The following CSMD2 variants were observed in gnomAD, a reference collection of about 807,000 sequenced individuals.
CSMD2 encodes CUB and Sushi multiple domains 2.
CSMD2 carries 130 observed loss-of-function variants against 398.5 expected under a neutral mutation model. The observed-to-expected ratio is 0.33, with a 90% confidence interval of 0.28 to 0.38. The LOEUF (loss-of-function observed/expected upper bound fraction) is 0.38, where lower values mean the gene tolerates loss of function less well. CSMD2 is among the 10% of genes least tolerant of loss of function. CSMD2 has a pLI of 1.00. For missense variants in CSMD2, 3,829 were observed against 4,764.9 expected, an observed-to-expected ratio of 0.80 and a Z score of 5.78; for synonymous variants, 1,828 against 1,908.5, an observed-to-expected ratio of 0.96 and a Z score of 1.10.
At chr1:33,988,887 A>G (rs1440688151) in intron 3 of CSMD2, among the ~76,000 whole-genome samples, 1 of 151,574 alleles carries the variant, frequency 6.6e-6, no homozygotes, top group East Asian at 1.9e-4. Context: ...CACCCCATAC[A>G]CAAATATTAA....
chr1:33,681,647 T>C (rs1480848247), intron 25 of CSMD2, among the ~76,000 whole-genome samples: 3 of 152,180 alleles, frequency 2.0e-5, no homozygotes, highest in Non-Finnish European at 4.4e-5. Flanking sequence ...CTGTAACATA[T>C]TACAACAAAC....
chr1:34,030,262 T>C (rs549629505), intron 3 of CSMD2, among the ~76,000 whole-genome samples: 1 of 152,302 alleles, frequency 6.6e-6, no homozygotes, highest in South Asian at 2.1e-4. Flanking sequence ...TATTGGACAA[T>C]ACAGCTGCAG....
intron 1 of CSMD2, among the ~76,000 whole-genome samples, chr1:34,128,823 G>T (rs542081976): frequency 6.6e-6 from 1 of 152,210 alleles, no homozygotes; most frequent in Non-Finnish European, 1.5e-5. Flanking sequence ...AGTGACTAGG[G>T]ATGGGGGAGG....
At chr1:33,918,022 G>A in intron 5 of CSMD2, 72 bp downstream of exon 5, 2 of 1,409,108 alleles carry the variant, frequency 1.4e-6, no homozygotes, top group Middle Eastern at 1.8e-4. Flanking sequence ...AGGCACTGAG[G>A]AGACTGCAAG....
chr1:33,685,116 C>T (rs1645024437), intron 25 of CSMD2, among the ~76,000 whole-genome samples: 1 of 152,178 alleles, frequency 6.6e-6, no homozygotes, highest in African/African-American at 2.4e-5. Context: ...AGCTCCGTGC[C>T]CTTTCCTCTT....
chr1:34,083,781 TG>T (rs1657537250), intron 2 of CSMD2, among the ~76,000 whole-genome samples: 2 of 151,950 alleles, frequency 1.3e-5, no homozygotes, highest in Admixed American at 6.6e-5. Flanking sequence ...TAGCCAGGCG[TG>T]GGGGCTCATG....
intron 23 of CSMD2, 147 bp downstream of exon 23, chr1:33,700,370 C>A: frequency 1.3e-6 from 1 of 760,046 alleles, no homozygotes; most frequent in East Asian, 2.6e-5. Flanking sequence ...TTTGTTTACC[C>A]ATGCATCCAC....
At chr1:33,820,030 T>C (rs959663660) in intron 8 of CSMD2, among the ~76,000 whole-genome samples, 193 bp from the exon 9 acceptor site, 1 of 152,220 alleles carries the variant, frequency 6.6e-6, no homozygotes, top group African/African-American at 2.4e-5. Context: ...TCGGACTGTT[T>C]AATGGTTTTA....
intron 5 of CSMD2, among the ~76,000 whole-genome samples, chr1:33,888,756 T>TTTGTTGTTGTTGTTG (rs140395748): frequency 0.065 from 9,672 of 148,868 alleles, 392 homozygotes; most frequent in East Asian, 0.15. Context: ...TCAACTGATT[T>TTTGTTGTTGTTGTTG]TTGTTGTTGT....
At chr1:34,062,554 AGGGAG>A (rs1354708954) in intron 2 of CSMD2, among the ~76,000 whole-genome samples, 1 of 152,188 alleles carries the variant, frequency 6.6e-6, no homozygotes, top group African/African-American at 2.4e-5. Flanking sequence ...AAGAGGGCAG[AGGGAG>A]GGGCTCCGGG....
At chr1:33,699,402 C>T (rs187932400) in intron 23 of CSMD2, among the ~76,000 whole-genome samples, 8 of 152,304 alleles carry the variant, frequency 5.3e-5, no homozygotes, top group East Asian at 1.9e-4. Context: ...CACTCTACGG[C>T]GCTATACATG....
chr1:34,129,685 C>T (rs1317946253), intron 1 of CSMD2, among the ~76,000 whole-genome samples: 1 of 152,126 alleles, frequency 6.6e-6, no homozygotes, highest in Non-Finnish European at 1.5e-5. Context: ...AATAAAATAG[C>T]CCACGATAGC....
intron 1 of CSMD2, among the ~76,000 whole-genome samples, chr1:34,147,185 G>A (rs1639852902): frequency 6.6e-6 from 1 of 152,144 alleles, no homozygotes; most frequent in Admixed American, 6.5e-5. Context: ...ATGAACCCGG[G>A]AGGCAGAGCT....
chr1:33,956,227 T>C (rs906815799), intron 3 of CSMD2, among the ~76,000 whole-genome samples: 1 of 151,564 alleles, frequency 6.6e-6, no homozygotes, highest in Non-Finnish European at 1.5e-5. Context: ...AAAAAGAATA[T>C]TCACATTGTT....
chr1:33,952,675 TACAC>T (rs71740719), intron 3 of CSMD2, among the ~76,000 whole-genome samples: 3,865 of 148,690 alleles, frequency 0.026, 111 homozygotes, highest in African/African-American at 0.064. Context: ...TTTTGTTGTT[TACAC>T]ACACACACAC....
chr1:34,044,653 A>G (rs1443563932), intron 2 of CSMD2, among the ~76,000 whole-genome samples: 2 of 152,180 alleles, frequency 1.3e-5, no homozygotes, highest in African/African-American at 4.8e-5. Context: ...ACCATGTGAT[A>G]AGCCTCCACT....
chr1:34,100,039 A>T (rs1462763432), intron 1 of CSMD2, among the ~76,000 whole-genome samples: 3 of 152,230 alleles, frequency 2.0e-5, no homozygotes, highest in Non-Finnish European at 4.4e-5. Flanking sequence ...AAAACTGATT[A>T]TAATCTCTTC....
Position 33,635,860 on chromosome 1 carries a change from G to C in CSMD2, c.4969+500C>G, listed in dbSNP as rs963767789. On this transcript the variant is annotated intron_variant, in intron 30 of 70. Transcript: ENST00000373381. The surrounding 1 kb of genome is among the most constrained non-coding windows in gnomAD (Gnocchi z 5.0). ...GCCTGCCTCTCTTACCATGACAAAG[G>C]GGGTATGCTTGGCTTTTCAATGGGT... 1.3e-5 allele frequency among the ~76,000 whole-genome samples: 2 copies of C among 152,050 alleles called. No homozygotes were observed. The highest frequency in any genetic ancestry group is 2.9e-5 in the Non-Finnish European group (2 of 67,986).
At chr1:33,665,414 A>G (rs1353482732) in intron 25 of CSMD2, among the ~76,000 whole-genome samples, 1 of 151,670 alleles carries the variant, frequency 6.6e-6, no homozygotes, top group Non-Finnish European at 1.5e-5. Context: ...AACTTTAATC[A>G]AAACTTTAAT....
Sources: gnomAD v4.1 joint callset for allele counts (sites outside exome capture counted in the v4.1 genomes callset) on GRCh38, gnomAD v4.1.1 for gene constraint, Gnocchi (gnomAD v3.1) non-coding constraint, MANE v1.5 for transcripts, NCBI Gene and HGNC (gene_info 2026-07-23, HGNC 2026-07-21) for gene names.